ITPR2: variants seen among roughly 807,000 people sequenced by gnomAD.
The protein encoded by ITPR2 is inositol 1,4,5-trisphosphate-gated calcium channel ITPR2.
Under a neutral mutation model 317.1 loss-of-function variants are expected in ITPR2, and 207 were observed. The ratio of observed to expected loss-of-function variants is 0.65; its 90% CI spans 0.58 to 0.73. The LOEUF (loss-of-function observed/expected upper bound fraction) is 0.73, where lower values mean the gene tolerates loss of function less well. Among genes scored for constraint, ITPR2 ranks in the 30% least tolerant of loss-of-function variants. ITPR2 has a pLI of 0.00. For synonymous variants in ITPR2, 1,156 were observed against 1,149.1 expected, an observed-to-expected ratio of 1.01 and a Z score of -0.12; for missense variants, 2,613 against 3,284.0, an observed-to-expected ratio of 0.80 and a Z score of 4.99.
intron 2 of ITPR2, among the ~76,000 whole-genome samples, chr12:26,756,367 T>A (rs1391685288): frequency 6.6e-6 from 1 of 152,232 alleles, no homozygotes; most frequent in African/African-American, 2.4e-5. Context: ...ATTCTAATTC[T>A]GTGCATATAT....
intron 37 of ITPR2, among the ~76,000 whole-genome samples, chr12:26,538,202 C>T (rs1385516871): frequency 6.6e-6 from 1 of 152,172 alleles, no homozygotes; most frequent in African/African-American, 2.4e-5. Context: ...GTTTCTTAAC[C>T]TTTCTGTGCT....
intron 52 of ITPR2, among the ~76,000 whole-genome samples, chr12:26,408,173 A>G (rs1007802318): frequency 1.3e-5 from 2 of 152,202 alleles, no homozygotes; most frequent in African/African-American, 4.8e-5. Context: ...GGCCAGAATC[A>G]TGTTTGTTTA....
chr12:26,647,259 A>C (rs552555534), intron 21 of ITPR2, among the ~76,000 whole-genome samples: 3 of 152,370 alleles, frequency 2.0e-5, no homozygotes, highest in Admixed American at 2.0e-4. Flanking sequence ...CCACTCCTCT[A>C]TTCTAACCAC....
intron 26 of ITPR2, among the ~76,000 whole-genome samples, chr12:26,608,076 G>A (rs527306462): frequency 6.3e-4 from 96 of 152,180 alleles, no homozygotes; most frequent in African/African-American, 2.0e-3. Context: ...AGCCGAGATC[G>A]TGCCACTGCA....
At chr12:26,732,689 G>A (rs1464821823) in intron 2 of ITPR2, among the ~76,000 whole-genome samples, 2 of 152,170 alleles carry the variant, frequency 1.3e-5, no homozygotes, top group African/African-American at 2.4e-5. Flanking sequence ...TGAACCCTAC[G>A]TAGTGTACTG....
chr12:26,391,665 A>G (rs1264198588), intron 54 of ITPR2, among the ~76,000 whole-genome samples: 1 of 145,946 alleles, frequency 6.9e-6, no homozygotes, highest in Non-Finnish European at 1.5e-5. Flanking sequence ...TCCAGGTTTA[A>G]GCGATTCTCC....
At chr12:26,594,458 GA>G (rs1347075585) in intron 32 of ITPR2, among the ~76,000 whole-genome samples, 1 of 151,966 alleles carries the variant, frequency 6.6e-6, no homozygotes, top group Non-Finnish European at 1.5e-5. Context: ...TGAGCTAACA[GA>G]TAACAGCATC....
At chr12:26,694,776 T>C (rs1948306193) in intron 10 of ITPR2, among the ~76,000 whole-genome samples, 1 of 152,200 alleles carries the variant, frequency 6.6e-6, no homozygotes, top group African/African-American at 2.4e-5. Flanking sequence ...AATTGAATTA[T>C]AAATAGGAGA....
At position 26,478,663 on chromosome 12, in the gene ITPR2, T is replaced by C. The variant is rs1942470958; in HGVS notation, c.6124-1656A>G. ...TGAAATATGAATTGAATTGATAGTATAAGAGTCTATATATACCACAAAATC... is the reference window on the plus strand; with the variant it reads ...TGAAATATGAATTGAATTGATAGTACAAGAGTCTATATATACCACAAAATC... On this transcript the variant is annotated intron_variant, in intron 43 of 56. Transcript: ENST00000381340. Among the ~76,000 whole-genome samples, 3 of 152,188 alleles carry C rather than the reference T, an allele frequency of 2.0e-5. No homozygotes were observed. The South Asian group carries it at 6.2e-4, about 32-fold the overall frequency.
At chr12:26,556,556 A>ATTT (rs11312773) in intron 35 of ITPR2, among the ~76,000 whole-genome samples, 181 bp from the exon 36 acceptor site, 2,237 of 133,792 alleles carry the variant, frequency 0.017, 34 homozygotes, top group African/African-American at 0.045. Flanking sequence ...CTGGGTCTCT[A>ATTT]TTTTTTTTTT....
At chr12:26,482,526 A>C (rs577104777) in intron 42 of ITPR2, among the ~76,000 whole-genome samples, 1 of 152,374 alleles carries the variant, frequency 6.6e-6, no homozygotes, top group Non-Finnish European at 1.5e-5. Context: ...CAACAAAACC[A>C]AATCTCTGAA....
At chr12:26,583,153 G>C (rs539639860) in intron 32 of ITPR2, among the ~76,000 whole-genome samples, 1 of 152,026 alleles carries the variant, frequency 6.6e-6, no homozygotes, top group Non-Finnish European at 1.5e-5. Context: ...TGTTTCCTAC[G>C]AGAACTGACT....
chr12:26,642,357 A>T (rs1373189039), intron 21 of ITPR2, among the ~76,000 whole-genome samples: 1 of 152,230 alleles, frequency 6.6e-6, no homozygotes, highest in Non-Finnish European at 1.5e-5. Flanking sequence ...AGGGTATTGA[A>T]GTCATGAGAG....
intron 10 of ITPR2, among the ~76,000 whole-genome samples, chr12:26,691,550 A>C (rs1565696129): frequency 6.6e-6 from 1 of 152,098 alleles, no homozygotes. Context: ...ACTCAGAAAG[A>C]AAGCCACATA....
chr12:26,725,769 T>C lies in ITPR2; in HGVS notation c.164-4A>G. ...GGGCACACCTTGAAAAGGCAGTCTG[T>C]GACAAACCAACATACAAAAACACTG... On this transcript the variant is annotated splice_polypyrimidine_tract_variant and splice_region_variant and intron_variant, in intron 2 of 56. Transcript: ENST00000381340. 2 of 1,590,194 alleles carry C rather than the reference T, an allele frequency of 1.3e-6. No homozygotes were observed. Among genetic ancestry groups the C allele is most frequent in the Non-Finnish European group, 8.6e-7 (1 of 1,158,762 alleles).
At chr12:26,523,674 T>G (rs1943728273) in intron 37 of ITPR2, among the ~76,000 whole-genome samples, 1 of 152,216 alleles carries the variant, frequency 6.6e-6, no homozygotes, top group Non-Finnish European at 1.5e-5. Flanking sequence ...GATGTATACA[T>G]AATGCAAATA....
Position 26,831,663 on chromosome 12 carries a change from C to T in ITPR2, c.92+1027G>A, listed in dbSNP as rs933510073. On this transcript the variant is annotated intron_variant, in intron 1 of 56. Transcript: ENST00000381340. The surrounding 1 kb of genome is among the most constrained non-coding windows in gnomAD (Gnocchi z 4.9). ...GGAAGTCCTATTTAACCATTTGGCA[C>T]ACTGTTTTATATATAAATATATATA... is the stretch of plus-strand genomic sequence containing the variant. Among the ~76,000 whole-genome samples the T allele has an allele frequency of 1.5e-5, 2 of 132,736 alleles. No homozygotes were observed. The highest frequency in any genetic ancestry group is 3.5e-5 in the Non-Finnish European group (2 of 57,846). The allele number at this position is 132,736 out of a possible 152,430, so 87.1% of individuals were successfully genotyped here. A position where few individuals can be genotyped will look rare whatever the true frequency, so the allele number is the denominator to read the frequency against.
chr12:26,764,542 A>G (rs1309868134), intron 2 of ITPR2, among the ~76,000 whole-genome samples: 1 of 152,046 alleles, frequency 6.6e-6, no homozygotes, highest in Non-Finnish European at 1.5e-5. Flanking sequence ...CAACCTAATT[A>G]AAAACTGTGC....
At chr12:26,409,205 A>C (rs2136666728) in intron 52 of ITPR2, among the ~76,000 whole-genome samples, 1 of 152,356 alleles carries the variant, frequency 6.6e-6, no homozygotes, top group African/African-American at 2.4e-5. Flanking sequence ...CTAAAGAGAC[A>C]GTGTGAGTTA....
Sources: gnomAD v4.1 joint callset for allele counts (sites outside exome capture counted in the v4.1 genomes callset) on GRCh38, gnomAD v4.1.1 for gene constraint, Gnocchi (gnomAD v3.1) non-coding constraint, MANE v1.5 for transcripts, NCBI Gene and HGNC (gene_info 2026-07-23, HGNC 2026-07-21) for gene names.